The following TIMP3 variants were observed in gnomAD, a reference collection of about 807,000 sequenced individuals.
The protein encoded by TIMP3 is TIMP metallopeptidase inhibitor 3.
A neutral mutation model predicts 30.0 loss-of-function variants in TIMP3; 11 were observed. The ratio of observed to expected loss-of-function variants is 0.37; its 90% CI spans 0.23 to 0.61. The LOEUF (loss-of-function observed/expected upper bound fraction) is 0.61, where lower values mean the gene tolerates loss of function less well. TIMP3 is among the 20% of genes least tolerant of loss of function. The pLI, the probability that TIMP3 is intolerant of heterozygous loss-of-function variation, is 0.70. For synonymous variants in TIMP3, 112 were observed against 111.3 expected, an observed-to-expected ratio of 1.01 and a Z score of -0.04; for missense variants, 181 against 276.8, an observed-to-expected ratio of 0.65 and a Z score of 2.45.
intron 1 of TIMP3, among the ~76,000 whole-genome samples, chr22:32,807,785 T>G (rs1050374057): frequency 2.0e-5 from 3 of 151,868 alleles, no homozygotes; most frequent in Non-Finnish European, 4.4e-5. Context: ...ATTATTATAA[T>G]TATATAATAT....
rs189947400 is a variant in TIMP3 at position 32,849,350 on chromosome 22, C to T, written c.122-102C>T. ...TCCAGTTGGCTCCAAGGTAAGAGTG[C>T]AATTCCAGGCTCCACAGAGGCTAGC... On this transcript the variant is annotated intron_variant, in intron 1 of 4. Coordinates refer to ENST00000266085, the MANE Select transcript of TIMP3 (RefSeq NM_000362.5). 9.6e-4 allele frequency: 910 copies of T among 945,644 alleles called. 7 individuals are homozygous for T. The highest frequency in any genetic ancestry group is 1.4e-3 in the Non-Finnish European group (819 of 595,598). 58.6% of individuals were successfully genotyped at this position (945,644 alleles called of 1,614,324 possible).
intron 2 of TIMP3, 32 bp from the exon 3 acceptor site, chr22:32,857,217 A>G (rs2048393911): frequency 6.4e-7 from 1 of 1,559,042 alleles, no homozygotes; most frequent in South Asian, 1.1e-5. Context: ...AAACTGGGAA[A>G]GAAGAAGTCA....
At chr22:32,835,462 C>G (rs2146159365) in intron 1 of TIMP3, among the ~76,000 whole-genome samples, 1 of 152,124 alleles carries the variant, frequency 6.6e-6, no homozygotes, top group Middle Eastern at 3.4e-3. Context: ...CTGTTCTAGT[C>G]TTATGCTTGC....
At chr22:32,832,914 G>A (rs971543630) in intron 1 of TIMP3, among the ~76,000 whole-genome samples, 14 of 151,636 alleles carry the variant, frequency 9.2e-5, no homozygotes, top group Non-Finnish European at 1.3e-4. Flanking sequence ...CGTGGTTTTC[G>A]TAGAGACAGG....
chr22:32,849,004 A>C (rs566177981), intron 1 of TIMP3, among the ~76,000 whole-genome samples: 36 of 152,304 alleles, frequency 2.4e-4, no homozygotes, highest in African/African-American at 8.7e-4. Context: ...GAATTAATGC[A>C]TGCAAAGGAA....
Position 32,858,108 on chromosome 22 carries a change from C to T in TIMP3, c.408C>T (p.Asn136=). The T allele has an allele frequency of 1.9e-6, 3 of 1,614,206 alleles. No individual in the cohort carries two copies. The highest frequency in any genetic ancestry group is 4.5e-5 in the East Asian group (2 of 44,876). ...CCCTCTCCCAGCGCAAGGGGCTGAA[C>T]TATCGGTATCACCTGGGTTGTAACT... is the stretch of plus-strand genomic sequence containing the variant. The part of the protein sequence containing the change: ...QLTLSQRKGL[N]YRYHLGCNCK... The change falls in exon 4 of 5, where the codon AAC becomes AAT. Residue 136 remains asparagine, a synonymous_variant. Transcript: ENST00000266085.
chr22:32,862,131 T>G lies in TIMP3; in HGVS notation c.*2754T>G, dbSNP rs2048559959. 1 of 152,550 alleles carries G rather than the reference T, an allele frequency of 6.6e-6. No homozygotes were observed. The highest frequency in any genetic ancestry group is 2.1e-4 in the South Asian group (1 of 4,834). The allele number at this position is 152,550 out of a possible 1,614,324, so 9.4% of individuals were successfully genotyped here. ...TTAAACTACATTCATGTTCTTGTTC[T>G]GTGTCACTCGGCCCTGGGTAGTCTA... On this transcript the variant is annotated 3_prime_UTR_variant, in exon 5 of 5. Coordinates refer to ENST00000266085, the MANE Select transcript of TIMP3 (RefSeq NM_000362.5).
intron 1 of TIMP3, among the ~76,000 whole-genome samples, chr22:32,810,780 A>G (rs1420247899): frequency 6.6e-6 from 1 of 152,082 alleles, no homozygotes; most frequent in Non-Finnish European, 1.5e-5. Context: ...TTTCATGAAG[A>G]CTTGGTTTCG....
intron 1 of TIMP3, chr22:32,833,857 G>A (rs1021182371): frequency 4.0e-6 from 2 of 500,928 alleles, no homozygotes; most frequent in African/African-American, 4.0e-5. Flanking sequence ...GATCATGCAT[G>A]GAAAGTGCCT....
rs1212874697 is a variant in TIMP3 at position 32,835,158 on chromosome 22, G to A, written c.122-14294G>A. ...AATGTTGCAGCTAATTGCACATACT[G>A]GGTGACAGAGTGCACAGTAGAGAAA... On this transcript the variant is annotated intron_variant, in intron 1 of 4. Transcript: ENST00000266085. Among the ~76,000 whole-genome samples the A allele has an allele frequency of 2.0e-5, 3 of 152,294 alleles. No individual in the cohort carries two copies. The East Asian group carries it at 5.8e-4, about 29-fold the overall frequency.
At chr22:32,825,917 C>G (rs189216251) in intron 1 of TIMP3, among the ~76,000 whole-genome samples, 1 of 152,116 alleles carries the variant, frequency 6.6e-6, no homozygotes. Flanking sequence ...AACCAGATCA[C>G]CAAGCACATT....
At chr22:32,840,981 T>A (rs1355021124) in intron 1 of TIMP3, among the ~76,000 whole-genome samples, 1 of 152,238 alleles carries the variant, frequency 6.6e-6, no homozygotes, top group African/African-American at 2.4e-5. Context: ...GTTGTGTATC[T>A]GACCCTGTGA....
intron 2 of TIMP3, among the ~76,000 whole-genome samples, chr22:32,850,302 C>T (rs1163644245): frequency 6.6e-6 from 1 of 151,938 alleles, no homozygotes; most frequent in Non-Finnish European, 1.5e-5. Context: ...TCCTGGGCCG[C>T]AGTTTTGCCA....
intron 1 of TIMP3, among the ~76,000 whole-genome samples, chr22:32,807,992 G>C (rs556483923): frequency 3.1e-4 from 47 of 151,692 alleles, no homozygotes; most frequent in Non-Finnish European, 6.5e-4. Context: ...CCTTCTTTTT[G>C]TCTCTTTGAA....
intron 2 of TIMP3, among the ~76,000 whole-genome samples, chr22:32,853,862 AC>A (rs1447944777): frequency 6.6e-6 from 1 of 152,226 alleles, no homozygotes. Context: ...AGAAACTGAG[AC>A]CCAAAGAGGT....
intron 2 of TIMP3, among the ~76,000 whole-genome samples, chr22:32,849,819 C>G (rs1019838790): frequency 6.6e-6 from 1 of 152,066 alleles, no homozygotes; most frequent in African/African-American, 2.4e-5. Context: ...CTTGTTAGCT[C>G]GTAACCATGA....
At chr22:32,823,539 G>C (rs968486328) in intron 1 of TIMP3, among the ~76,000 whole-genome samples, 1 of 152,212 alleles carries the variant, frequency 6.6e-6, no homozygotes, top group African/African-American at 2.4e-5. Flanking sequence ...CAGGCCTGGA[G>C]GGTGGTGGTC....
chr22:32,852,117 C>A (rs1463660628), intron 2 of TIMP3, among the ~76,000 whole-genome samples: 1 of 152,208 alleles, frequency 6.6e-6, no homozygotes, highest in Non-Finnish European at 1.5e-5. Context: ...CTTATACTAA[C>A]ACTGTAAAAT....
At position 32,802,128 on chromosome 22, in the gene TIMP3, C is replaced by T; in HGVS notation, c.121+6C>T. The T allele has an allele frequency of 1.3e-6, 2 of 1,579,278 alleles. No homozygotes were observed. Among genetic ancestry groups the T allele is most frequent in the Non-Finnish European group, 1.7e-6 (2 of 1,168,856 alleles). ...CTTCTGCAACTCCGACATCGGTAAG[C>T]GCTCCTGGTGCCCCGCCCGAGCCCC... On this transcript the variant is annotated splice_donor_region_variant and intron_variant, in intron 1 of 4. Coordinates refer to ENST00000266085, the MANE Select transcript of TIMP3 (RefSeq NM_000362.5).
Sources: allele counts gnomAD v4.1 joint callset (sites outside exome capture counted in the v4.1 genomes callset), GRCh38; gene constraint gnomAD v4.1.1; transcripts MANE v1.5; gene names NCBI Gene and HGNC (gene_info 2026-07-23, HGNC 2026-07-21).